The following MTFR1 variants were observed in gnomAD, a reference collection of about 807,000 sequenced individuals.
The protein encoded by MTFR1 is mitochondrial fission regulator 1.
In MTFR1, 28 loss-of-function variants were observed where a neutral mutation model predicts 38.8. That is an observed-to-expected ratio of 0.72 (90% CI 0.53 to 0.99). The LOEUF (loss-of-function observed/expected upper bound fraction) is 0.99. MTFR1 is among the 50% of genes least tolerant of loss of function. MTFR1 has a pLI of 0.00. For synonymous variants in MTFR1, 145 were observed against 137.0 expected (o/e 1.06, Z -0.41); for missense variants, 358 against 395.5 (o/e 0.91, Z 0.81).
chr8:65,654,698 C>T (rs746958341), intron 1 of MTFR1, among the ~76,000 whole-genome samples: 1 of 152,120 alleles, frequency 6.6e-6, no homozygotes, highest in Non-Finnish European at 1.5e-5. Flanking sequence ...CTGCCTCAGC[C>T]TCCTGAGTAG....
intron 1 of MTFR1, among the ~76,000 whole-genome samples, chr8:65,660,310 G>GA (rs1809376440): frequency 8.8e-6 from 1 of 114,236 alleles, no homozygotes; most frequent in African/African-American, 3.1e-5. Context: ...AAAAAAAAAA[G>GA]ACAAAAAAAA....
chr8:65,702,788 T>A (rs1805654141), intron 4 of MTFR1, among the ~76,000 whole-genome samples: 1 of 151,788 alleles, frequency 6.6e-6, no homozygotes, highest in Admixed American at 6.6e-5. Flanking sequence ...CCCAGAGGTG[T>A]ATTATATTTA....
intron 4 of MTFR1, among the ~76,000 whole-genome samples, chr8:65,696,285 GGTAAA>G (rs1191700985): frequency 1.3e-5 from 2 of 152,138 alleles, no homozygotes; most frequent in Non-Finnish European, 2.9e-5. Flanking sequence ...AGGATTAGCA[GGTAAA>G]GAGCCTTTCT....
In MTFR1 at chr8:65,707,257, G is replaced by A. The variant is rs1175732286; in HGVS notation, c.764+1G>A. 4 of 1,612,200 alleles carry A rather than the reference G, an allele frequency of 2.5e-6. No homozygotes were observed. The highest frequency in any genetic ancestry group is 3.4e-6 in the Non-Finnish European group (4 of 1,179,114). ...GTGTAAAACTTCGGTCAGTGAAGAG[G>A]TGAGGATACATTCACCTTCTTTCTT... On this transcript the variant is annotated splice_donor_variant, in intron 6 of 7. Transcript: ENST00000262146. LOFTEE classifies it high-confidence loss of function.
At chr8:65,680,755 TTTTAGTC>T (rs1361973494) in intron 2 of MTFR1, among the ~76,000 whole-genome samples, 1 of 152,152 alleles carries the variant, frequency 6.6e-6, no homozygotes, top group Non-Finnish European at 1.5e-5. Flanking sequence ...ATTTGGTTCT[TTTTAGTC>T]TTTAGAATAT....
At chr8:65,767,223 A>G (rs1335432326) in intron 3 of MTFR1, among the ~76,000 whole-genome samples, 1 of 152,208 alleles carries the variant, frequency 6.6e-6, no homozygotes, top group Non-Finnish European at 1.5e-5. Context: ...TGAAGCATGA[A>G]CCTCAGATTT....
intron 1 of MTFR1, among the ~76,000 whole-genome samples, chr8:65,645,251 G>C (rs1808922190): frequency 6.6e-6 from 1 of 152,250 alleles, no homozygotes; most frequent in African/African-American, 2.4e-5. Context: ...CGGCCTCCGG[G>C]AGGAGCAGTG....
intron 5 of MTFR1, among the ~76,000 whole-genome samples, chr8:65,705,770 G>A (rs1805765175): frequency 6.6e-6 from 1 of 152,192 alleles, no homozygotes; most frequent in Non-Finnish European, 1.5e-5. Context: ...TATATAAAAT[G>A]CCTTTAACAC....
chr8:65,653,176 G>T (rs1181663944), intron 1 of MTFR1, among the ~76,000 whole-genome samples: 1 of 152,128 alleles, frequency 6.6e-6, no homozygotes, highest in Non-Finnish European at 1.5e-5. Flanking sequence ...CAGTATTATT[G>T]CTTGGCATGA....
At position 65,655,581 on chromosome 8, in the gene MTFR1, A is replaced by T. The variant is rs149095839; in HGVS notation, c.-81+10797A>T. Among the ~76,000 whole-genome samples the T allele has an allele frequency of 6.1e-3, 928 of 152,198 alleles. 9 individuals are homozygous for T. The highest frequency in any genetic ancestry group is 0.022 in the African/African-American group (896 of 41,510). Reference sequence around the variant, plus strand: ...TTTTATAGTATGGTAAAGTGTTTTGACTTAAGTATCAACTGGACTGATGTG... The same window carrying T: ...TTTTATAGTATGGTAAAGTGTTTTGTCTTAAGTATCAACTGGACTGATGTG... On this transcript the variant is annotated intron_variant, in intron 1 of 7. Transcript: ENST00000262146.
At chr8:65,759,072 C>T (rs144123018) in intron 3 of MTFR1, among the ~76,000 whole-genome samples, 1 of 152,348 alleles carries the variant, frequency 6.6e-6, no homozygotes, top group African/African-American at 2.4e-5. Flanking sequence ...TCCACTCATT[C>T]CATGGACCTC....
intron 3 of MTFR1, chr8:65,739,606 AAAG>A (rs1807316213): frequency 6.6e-7 from 1 of 1,511,340 alleles, no homozygotes; most frequent in Non-Finnish European, 8.8e-7. Context: ...TCCTAAAAAG[AAAG>A]AAGAGACATT....
chr8:65,685,198 A>G (rs779075918), intron 3 of MTFR1, among the ~76,000 whole-genome samples: 21 of 152,340 alleles, frequency 1.4e-4, no homozygotes, highest in Non-Finnish European at 2.4e-4. Context: ...TTAGGGGCTA[A>G]CTGATGTGGA....
chr8:65,679,103 A>C (rs7002953), intron 2 of MTFR1, among the ~76,000 whole-genome samples: 22,838 of 152,126 alleles, frequency 0.15, 1,782 homozygotes, highest in Middle Eastern at 0.19. Context: ...TCATCTCCAG[A>C]CAAGACCTTT....
chr8:65,660,282 A>T (rs1585747808), intron 1 of MTFR1, among the ~76,000 whole-genome samples: 1 of 131,886 alleles, frequency 7.6e-6, no homozygotes, highest in Non-Finnish European at 1.6e-5. Flanking sequence ...CAGGAGTGAA[A>T]CTCTGTCTCA....
intron 3 of MTFR1, among the ~76,000 whole-genome samples, chr8:65,754,741 T>C (rs1042662555): frequency 1.3e-5 from 2 of 149,190 alleles, no homozygotes; most frequent in Non-Finnish European, 3.0e-5. Flanking sequence ...CTGAGGCGAG[T>C]GGATCACGAG....
At chr8:65,656,752 C>T (rs2129048260) in intron 1 of MTFR1, among the ~76,000 whole-genome samples, 1 of 151,888 alleles carries the variant, frequency 6.6e-6, no homozygotes, top group Non-Finnish European at 1.5e-5. Flanking sequence ...CCGCCTGCCT[C>T]AGCCTCCCAA....
At chr8:65,769,697 A>G (rs917373932) in intron 3 of MTFR1, among the ~76,000 whole-genome samples, 2 of 152,202 alleles carry the variant, frequency 1.3e-5, no homozygotes, top group Non-Finnish European at 2.9e-5. Context: ...GGAGTTTGAC[A>G]CCAGCCTGGC....
intron 3 of MTFR1, among the ~76,000 whole-genome samples, chr8:65,734,224 A>AC (rs1369534137): frequency 6.6e-6 from 1 of 152,040 alleles, no homozygotes; most frequent in Non-Finnish European, 1.5e-5. Flanking sequence ...AACTGCCCAA[A>AC]CCAGTCTTCA....
Sources: gnomAD v4.1 joint callset for allele counts (sites outside exome capture counted in the v4.1 genomes callset) on GRCh38, gnomAD v4.1.1 for gene constraint, MANE v1.5 for transcripts, NCBI Gene and HGNC (gene_info 2026-07-23, HGNC 2026-07-21) for gene names.